The following SLC9C1 variants were observed in gnomAD, a reference collection of about 807,000 sequenced individuals.
The protein encoded by SLC9C1 is solute carrier family 9 member C1.
Under a neutral mutation model 140.9 loss-of-function variants are expected in SLC9C1, and 97 were observed. The ratio of observed to expected loss-of-function variants is 0.69; its 90% CI spans 0.58 to 0.82. The LOEUF (loss-of-function observed/expected upper bound fraction) is 0.82, where lower values mean the gene tolerates loss of function less well. SLC9C1 is among the 40% of genes least tolerant of loss of function. The pLI is 0.00. For synonymous variants in SLC9C1, 440 were observed against 442.6 expected (o/e 0.99, Z 0.07); for missense variants, 1,340 against 1,389.3 (o/e 0.96, Z 0.56).
intron 20 of SLC9C1, among the ~76,000 whole-genome samples, chr3:112,187,596 G>A (rs1277255101): frequency 1.3e-5 from 2 of 151,930 alleles, no homozygotes; most frequent in Admixed American, 6.5e-5. Flanking sequence ...GGCAACTGGG[G>A]GACTTGAGAA....
chr3:112,177,002 TC>T (rs1410876059), intron 23 of SLC9C1, among the ~76,000 whole-genome samples: 157 of 117,168 alleles, frequency 1.3e-3, no homozygotes, highest in African/African-American at 4.5e-3. Context: ...TCTCTCTCTC[TC>T]TCTTTTTTTT....
intron 6 of SLC9C1, among the ~76,000 whole-genome samples, chr3:112,271,499 G>A (rs962443197): frequency 6.6e-6 from 1 of 150,834 alleles, no homozygotes; most frequent in Non-Finnish European, 1.5e-5. Flanking sequence ...TGTCTTTGGG[G>A]TAGATGGACA....
chr3:112,199,310 T>C lies in SLC9C1; in HGVS notation c.2523+11A>G. 1 of 1,536,434 alleles carries C rather than the reference T, an allele frequency of 6.5e-7. No individual in the cohort carries two copies. The highest frequency in any genetic ancestry group is 8.7e-7 in the Non-Finnish European group (1 of 1,144,328). On this transcript the variant is annotated intron_variant, in intron 20 of 28. Transcript: ENST00000305815. ...AGTAAATATACTTGCTTTGAAAATATTTTGCCTTACCTTATTAATTCCAGC... is the reference window on the plus strand; with the variant it reads ...AGTAAATATACTTGCTTTGAAAATACTTTGCCTTACCTTATTAATTCCAGC...
intron 15 of SLC9C1, among the ~76,000 whole-genome samples, chr3:112,216,482 T>C (rs2078373169): frequency 6.6e-6 from 1 of 151,272 alleles, no homozygotes; most frequent in South Asian, 2.1e-4. Context: ...ATATCCAGAA[T>C]CTATAAAGAA....
At chr3:112,230,233 C>G (rs2078785434) in intron 13 of SLC9C1, among the ~76,000 whole-genome samples, 1 of 152,134 alleles carries the variant, frequency 6.6e-6, no homozygotes. Flanking sequence ...TTCCTGCTGA[C>G]TCGGTATATT....
At chr3:112,257,730 C>T (rs2079649231) in intron 10 of SLC9C1, among the ~76,000 whole-genome samples, 1 of 152,026 alleles carries the variant, frequency 6.6e-6, no homozygotes, top group South Asian at 2.1e-4. Flanking sequence ...AGTTTCTGCA[C>T]AGCAAAAGAA....
chr3:112,165,759 C>T (rs2077116392), intron 26 of SLC9C1, among the ~76,000 whole-genome samples: 1 of 152,158 alleles, frequency 6.6e-6, no homozygotes, highest in Non-Finnish European at 1.5e-5. Context: ...CTCAGATGTC[C>T]AGCTGTGTGC....
intron 20 of SLC9C1, among the ~76,000 whole-genome samples, chr3:112,185,051 A>G (rs561531683): frequency 6.6e-6 from 1 of 152,148 alleles, no homozygotes; most frequent in South Asian, 2.1e-4. Flanking sequence ...AGTATGTACC[A>G]TGTCCAGCCT....
At chr3:112,200,290 T>C (rs2077874587) in intron 19 of SLC9C1, among the ~76,000 whole-genome samples, 1 of 152,114 alleles carries the variant, frequency 6.6e-6, no homozygotes. Flanking sequence ...TTCTGCAAGA[T>C]TGTATTCTAA....
At chr3:112,161,349 C>A (rs1260986784) in intron 26 of SLC9C1, among the ~76,000 whole-genome samples, 8 of 152,132 alleles carry the variant, frequency 5.3e-5, no homozygotes, top group Non-Finnish European at 1.2e-4. Context: ...CTTGCCCATG[C>A]CTATGTCCTG....
Position 112,275,017 on chromosome 3 carries a change from T to C in SLC9C1, c.493A>G (p.Arg165Gly). The change falls in exon 6 of 29, where the codon AGA becomes GGA. Residue 165 changes from arginine (R) to glycine (G), a missense_variant. Arg to Gly is a moderately radical substitution (Grantham distance 125). Coordinates refer to ENST00000305815, the MANE Select transcript of SLC9C1 (RefSeq NM_183061.3). The part of the protein sequence containing the change: ...AAAIRDLGLS[R>G]SLISLINGES... ...CCATTAATTAAACTGATGAGGCTTCTAGAAAGCCCTACATATGTTGAGGGG... is the reference window on the plus strand; with the variant it reads ...CCATTAATTAAACTGATGAGGCTTCCAGAAAGCCCTACATATGTTGAGGGG... The C allele has an allele frequency of 1.3e-6, 2 of 1,567,950 alleles. No individual in the cohort carries two copies. The highest frequency in any genetic ancestry group is 2.5e-5 in the South Asian group (2 of 81,048).
At chr3:112,218,365 G>A (rs888789571) in intron 14 of SLC9C1, among the ~76,000 whole-genome samples, 1 of 151,862 alleles carries the variant, frequency 6.6e-6, no homozygotes. Flanking sequence ...TTAATGGAAG[G>A]GCATTGGAAA....
Position 112,217,463 on chromosome 3 carries a change from T to A in SLC9C1, c.1769A>T (p.Lys590Met). The A allele has an allele frequency of 2.5e-6, 4 of 1,595,638 alleles. No individual in the cohort carries two copies. Among genetic ancestry groups the A allele is most frequent in the Non-Finnish European group, 3.4e-6 (4 of 1,174,776 alleles). The change falls in exon 15 of 29, where the codon AAG (lysine) becomes ATG (methionine). Residue 590 changes from lysine to methionine, a missense_variant. Coordinates refer to ENST00000305815, the MANE Select transcript of SLC9C1 (RefSeq NM_183061.3). ...LLLNWVYNTR[K>M]EKEGPSKYFF... ...TTACTTTGATGGGCCCTCTTTTTCC[T>A]TTCTGGTATTATACACCCAATTAAG... is the stretch of plus-strand genomic sequence containing the variant.
intron 23 of SLC9C1, among the ~76,000 whole-genome samples, chr3:112,179,000 A>G (rs183490130): frequency 6.6e-6 from 1 of 152,350 alleles, no homozygotes; most frequent in East Asian, 1.9e-4. Context: ...CAACCTCAGT[A>G]GAAATTTTAA....
chr3:112,219,805 T>G (rs941394083), intron 14 of SLC9C1, among the ~76,000 whole-genome samples: 1 of 152,138 alleles, frequency 6.6e-6, no homozygotes, highest in South Asian at 2.1e-4. Flanking sequence ...GGTCTCGAAC[T>G]CCTGACCTCA....
At chr3:112,270,152 T>G in intron 6 of SLC9C1, 75 bp from the exon 7 acceptor site, 3 of 1,398,256 alleles carry the variant, frequency 2.1e-6, no homozygotes, top group Non-Finnish European at 2.8e-6. Flanking sequence ...CCTTGTTAAT[T>G]TTCCTTTTTG....
At chr3:112,204,823 T>A (rs2078000915) in intron 16 of SLC9C1, among the ~76,000 whole-genome samples, 1 of 152,080 alleles carries the variant, frequency 6.6e-6, no homozygotes, top group African/African-American at 2.4e-5. Flanking sequence ...TTCTGAGTAG[T>A]CAAAACAAAA....
Position 112,141,294 on chromosome 3 carries a change from G to A in SLC9C1, c.3525-13C>T. The A allele has an allele frequency of 1.3e-6, 2 of 1,578,480 alleles. No individual in the cohort carries two copies. Among genetic ancestry groups the A allele is most frequent in the Non-Finnish European group, 1.7e-6 (2 of 1,164,110 alleles). ...GTCTTACTCTTTCCTAATAGAAGCG[G>A]AAAGAAAAAACAAAAACATAGAGGG... is the stretch of plus-strand genomic sequence containing the variant. On this transcript the variant is annotated splice_polypyrimidine_tract_variant and intron_variant, in intron 28 of 28. Coordinates refer to ENST00000305815, the MANE Select transcript of SLC9C1 (RefSeq NM_183061.3).
intron 6 of SLC9C1, among the ~76,000 whole-genome samples, chr3:112,271,952 A>T (rs1271321144): frequency 6.6e-6 from 1 of 152,170 alleles, no homozygotes; most frequent in Non-Finnish European, 1.5e-5. Context: ...AGTAAAATTC[A>T]TGCACCAAAA....
Sources: gnomAD v4.1 joint callset for allele counts (sites outside exome capture counted in the v4.1 genomes callset) on GRCh38, gnomAD v4.1.1 for gene constraint, MANE v1.5 for transcripts, NCBI Gene and HGNC (gene_info 2026-07-23, HGNC 2026-07-21) for gene names.